Variants in CFAP53 observed in about 807,000 individuals in gnomAD.
CFAP53 encodes the protein cilia- and flagella-associated protein 53.
CFAP53 carries 62 observed loss-of-function variants against 59.7 expected under a neutral mutation model. The ratio of observed to expected loss-of-function variants is 1.04; its 90% CI spans 0.85 to 1.28. CFAP53 has a LOEUF of 1.28. CFAP53 is among the 50% of genes most tolerant of loss of function. CFAP53 has a pLI of 0.00. For missense variants in CFAP53, 629 were observed against 615.6 expected (o/e 1.02, Z -0.23); for synonymous variants, 218 against 205.7 (o/e 1.06, Z -0.51).
rs1247575344 is a variant in CFAP53 at position 50,238,607 on chromosome 18, C to A, written c.1312G>T (p.Ala438Ser). Residue 438 changes from alanine (A) to serine (S), a missense_variant, in exon 7 of 8, where the codon GCA (alanine) becomes TCA (serine). By Grantham distance (99) the Ala-to-Ser change is moderately conservative. Coordinates refer to ENST00000398545, the MANE Select transcript of CFAP53 (RefSeq NM_145020.5). ...ELNCEEKENF[A>S]RRQRLAQEYR... ...ATACAGAAAACAAAATCATACCTTG[C>A]AAAATTCTCCTTCTCTTCACAGTTA... The A allele has an allele frequency of 6.2e-7, 1 of 1,605,748 alleles. No homozygotes were observed. Among genetic ancestry groups the A allele is most frequent in the Admixed American group, 1.7e-5 (1 of 58,840 alleles).
chr18:50,259,100 G>A (rs560673021), intron 3 of CFAP53, among the ~76,000 whole-genome samples: 1 of 152,322 alleles, frequency 6.6e-6, no homozygotes, highest in African/African-American at 2.4e-5. Context: ...CCACTGCTGA[G>A]TATAGGCCCA....
Position 50,266,134 on chromosome 18 carries a change from CAG to C in CFAP53, c.69+200_69+201del, listed in dbSNP as rs558177371. ...AGATGAAAGGCTGTAAGGATGAAAA[CAG>C]AGGGAGATGAGTGGGTGAGAGGTGG... On this transcript the variant is annotated intron_variant, in intron 1 of 7. Transcript: ENST00000398545. 5.3e-5 allele frequency among the ~76,000 whole-genome samples: 8 copies of C among 152,168 alleles called. No homozygotes were observed. The South Asian group carries it at 1.4e-3, about 28-fold the overall frequency.
chr18:50,260,843 T>C (rs1273715001), intron 3 of CFAP53, among the ~76,000 whole-genome samples: 1 of 152,202 alleles, frequency 6.6e-6, no homozygotes, highest in Non-Finnish European at 1.5e-5. Context: ...CATAATCTCC[T>C]TTGTTACTTC....
Position 50,266,465 on chromosome 18 carries a change from T to C in CFAP53, c.-61A>G, listed in dbSNP as rs572451812. The C allele has an allele frequency of 3.3e-6, 5 of 1,535,044 alleles. No homozygotes were observed. In the Admixed American group the frequency reaches 8.3e-5, roughly 26 times the overall value. On this transcript the variant is annotated 5_prime_UTR_variant, in exon 1 of 8. Transcript: ENST00000398545. ...CGCGTTTCCCCCAACCGTGGCGACCTGCGGGACCCGCTTCCGCGACGCAGA... is the reference window on the plus strand; with the variant it reads ...CGCGTTTCCCCCAACCGTGGCGACCCGCGGGACCCGCTTCCGCGACGCAGA...
rs555315823 is a variant in CFAP53, at chr18:50,244,267, G to A, written c.997-1151C>T. On this transcript the variant is annotated intron_variant, in intron 5 of 7. Coordinates refer to ENST00000398545, the MANE Select transcript of CFAP53 (RefSeq NM_145020.5). ...TGAGGGGAGGGACCTGGTGGGAGGT[G>A]ATTGGGTCATGGGGGTAGTTTCCCC... Among the ~76,000 whole-genome samples the A allele has an allele frequency of 1.5e-3, 229 of 152,276 alleles. 1 individual carries two copies. The Middle Eastern group carries it at 0.017, about 11-fold the overall frequency.
chr18:50,254,077 T>C (rs2033825030), intron 3 of CFAP53, among the ~76,000 whole-genome samples: 1 of 151,556 alleles, frequency 6.6e-6, no homozygotes, highest in Non-Finnish European at 1.5e-5. Flanking sequence ...AAGATCCTTT[T>C]AATAGGATAA....
At chr18:50,261,629 C>T (rs2033894949) in intron 2 of CFAP53, among the ~76,000 whole-genome samples, 1 of 151,908 alleles carries the variant, frequency 6.6e-6, no homozygotes, top group Non-Finnish European at 1.5e-5. Context: ...TGGGCTCAAA[C>T]AATCCTCCCA....
intron 1 of CFAP53, among the ~76,000 whole-genome samples, chr18:50,264,677 G>A (rs2033921022): frequency 6.6e-6 from 1 of 152,208 alleles, no homozygotes; most frequent in Admixed American, 6.5e-5. Context: ...CGGAGGAGCA[G>A]ATGCACCAAC....
At chr18:50,247,026 C>A (rs34696942) in intron 5 of CFAP53, among the ~76,000 whole-genome samples, 1 of 149,162 alleles carries the variant, frequency 6.7e-6, no homozygotes, top group Non-Finnish European at 1.5e-5. Flanking sequence ...CCAGCCTGGG[C>A]GACAAGAGTG....
intron 1 of CFAP53, 40 bp from the exon 2 acceptor site, chr18:50,262,259 GAATC>G: frequency 6.6e-7 from 1 of 1,513,524 alleles, no homozygotes. Flanking sequence ...ATAAGCCAAA[GAATC>G]AACTGCATAT....
intron 7 of CFAP53, among the ~76,000 whole-genome samples, chr18:50,228,461 A>T (rs1323545658): frequency 3.3e-5 from 5 of 152,112 alleles, no homozygotes; most frequent in Admixed American, 6.5e-5. Flanking sequence ...AATATATGAC[A>T]GTTTTTTTAT....
intron 7 of CFAP53, among the ~76,000 whole-genome samples, chr18:50,238,104 G>A (rs186453497): frequency 6.6e-6 from 1 of 152,154 alleles, no homozygotes; most frequent in Admixed American, 6.5e-5. Flanking sequence ...AATGGCAATG[G>A]AATTTAATTT....
intron 5 of CFAP53, 63 bp from the exon 6 acceptor site, chr18:50,243,179 T>A: frequency 8.6e-7 from 1 of 1,169,136 alleles, no homozygotes; most frequent in Non-Finnish European, 1.2e-6. Flanking sequence ...TAAGGATACA[T>A]TTAAAAAAAA....
At chr18:50,229,751 TTTC>T (rs1239737443) in intron 7 of CFAP53, among the ~76,000 whole-genome samples, 4 of 150,638 alleles carry the variant, frequency 2.7e-5, no homozygotes, top group Admixed American at 6.6e-5. Context: ...TTTTTTTTTT[TTTC>T]AGACAGGGTC....
intron 7 of CFAP53, among the ~76,000 whole-genome samples, chr18:50,237,008 T>C (rs2033640259): frequency 6.6e-6 from 1 of 151,706 alleles, no homozygotes; most frequent in East Asian, 1.9e-4. Context: ...CAGAAGACTT[T>C]TTAAAAATGA....
chr18:50,251,075 T>TAC, intron 4 of CFAP53, 99 bp from the exon 5 acceptor site: 1 of 964,672 alleles, frequency 1.0e-6, no homozygotes. Flanking sequence ...TTTCTGGAAA[T>TAC]ACACACACAC....
At position 50,266,384 on chromosome 18, in the gene CFAP53, G is replaced by A. The variant is rs777356746; in HGVS notation, c.21C>T (p.Gly7=). The A allele has an allele frequency of 2.5e-6, 4 of 1,614,264 alleles. No individual in the cohort carries two copies. Among genetic ancestry groups the A allele is most frequent in the Non-Finnish European group, 3.4e-6 (4 of 1,180,044 alleles). ...GGCCCTTAACCTCCCGCTGTACGGT[G>A]CCAAACCGCTGGCTGTACATTTTCG... is the stretch of plus-strand genomic sequence containing the variant. MYSQRF[G]TVQREVKGPT... The change falls in exon 1 of 8, where the codon GGC becomes GGT. Residue 7 remains glycine, a synonymous_variant. Transcript: ENST00000398545.
chr18:50,257,898 T>C (rs2144431118), intron 3 of CFAP53, among the ~76,000 whole-genome samples: 1 of 152,118 alleles, frequency 6.6e-6, no homozygotes, highest in African/African-American at 2.4e-5. Flanking sequence ...AGGGTGGCAG[T>C]ACACACCTGT....
intron 5 of CFAP53, 148 bp from the exon 6 acceptor site, chr18:50,243,264 C>T (rs766286553): frequency 4.7e-6 from 3 of 636,468 alleles, no homozygotes; most frequent in Non-Finnish European, 8.1e-6. Context: ...GGAGTTTATT[C>T]CAAAATACTC....
Sources: allele counts gnomAD v4.1 joint callset (sites outside exome capture counted in the v4.1 genomes callset), GRCh38; gene constraint gnomAD v4.1.1; transcripts MANE v1.5; gene names NCBI Gene and HGNC (gene_info 2026-07-23, HGNC 2026-07-21).